The following NEBL variants were observed in gnomAD, a reference collection of about 807,000 sequenced individuals.
NEBL encodes the protein LIM and SH3 protein 2.
NEBL carries 122 observed loss-of-function variants against 140.2 expected under a neutral mutation model. That is an observed-to-expected ratio of 0.87 (90% CI 0.75 to 1.01). NEBL has a LOEUF of 1.01. Among genes scored for constraint, NEBL ranks in the 50% least tolerant of loss-of-function variants. NEBL has a pLI of 0.00. For missense variants in NEBL, 1,365 were observed against 1,231.3 expected (o/e 1.11, Z -1.62); for synonymous variants, 436 against 398.9 (o/e 1.09, Z -1.11).
At chr10:20,812,741 C>T in intron 24 of NEBL, 28 bp downstream of exon 24, 1 of 1,613,228 alleles carries the variant, frequency 6.2e-7, no homozygotes, top group Non-Finnish European at 8.5e-7. Context: ...CGACCACACA[C>T]ACCGGCCGAC....
rs968817703 is a variant in NEBL, at chr10:20,782,225, T to G, written c.*3522A>C. ...TGTGTAATAAAATATTACTATAGAATAGGCAGCAACTTGCTTGCTTGGTTT... is the reference window on the plus strand; with the variant it reads ...TGTGTAATAAAATATTACTATAGAAGAGGCAGCAACTTGCTTGCTTGGTTT... On this transcript the variant is annotated 3_prime_UTR_variant, in exon 28 of 28. Transcript: ENST00000377122. 2 of 152,512 alleles carry G rather than the reference T, an allele frequency of 1.3e-5. No individual in the cohort carries two copies. Among genetic ancestry groups the G allele is most frequent in the Non-Finnish European group, 2.9e-5 (2 of 68,010 alleles). 9.4% of individuals were successfully genotyped at this position (152,512 alleles called of 1,614,324 possible).
At chr10:20,923,100 G>A (rs536738587) in intron 4 of NEBL, among the ~76,000 whole-genome samples, 2 of 151,618 alleles carry the variant, frequency 1.3e-5, no homozygotes, top group African/African-American at 2.4e-5. Flanking sequence ...ACAGGGTCTC[G>A]CTCTGTCACC....
Position 20,988,600 on chromosome 10 carries a change from GTCTC to G in NEBL, c.250-26825_250-26822del, listed in dbSNP as rs5783759. On this transcript the variant is annotated intron_variant, in intron 3 of 6. Coordinates refer to the NEBL transcript ENST00000417816. Reference sequence around the variant, plus strand: ...CCTCTCTCTCCTCCATCATCAAATTGTCTCTCTCTATTGGGTCACTGCCATTAGC... The same window carrying G: ...CCTCTCTCTCCTCCATCATCAAATTGTCTCTATTGGGTCACTGCCATTAGC... Among the ~76,000 whole-genome samples, 360 of 152,132 alleles carry G rather than the reference GTCTC, an allele frequency of 2.4e-3. 3 individuals are homozygous for G. Among genetic ancestry groups the G allele is most frequent in the African/African-American group, 8.1e-3 (337 of 41,492 alleles).
chr10:21,164,754 A>G (rs1397494434), intron 2 of NEBL, among the ~76,000 whole-genome samples: 1 of 152,236 alleles, frequency 6.6e-6, no homozygotes, highest in African/African-American at 2.4e-5. Context: ...ACTGAGAACC[A>G]GATCATTTTG....
intron 5 of NEBL, among the ~76,000 whole-genome samples, chr10:20,871,853 G>C (rs1844971057): frequency 6.6e-6 from 1 of 152,072 alleles, no homozygotes; most frequent in Admixed American, 6.5e-5. Flanking sequence ...AATTCCATTG[G>C]CTTCAAAAAG....
At chr10:21,106,488 A>G (rs1201530093) in intron 2 of NEBL, among the ~76,000 whole-genome samples, 3 of 152,112 alleles carry the variant, frequency 2.0e-5, no homozygotes, top group Non-Finnish European at 4.4e-5. Context: ...CAAAGATCAG[A>G]TGGTTGTAGA....
At chr10:20,881,502 T>C (rs1264057662) in intron 4 of NEBL, among the ~76,000 whole-genome samples, 2 of 152,186 alleles carry the variant, frequency 1.3e-5, no homozygotes, top group Non-Finnish European at 2.9e-5. Flanking sequence ...ATGAGAAAGA[T>C]ATCTCAGAAG....
chr10:21,233,102 A>T lies in NEBL; in HGVS notation n.348+14819T>A, dbSNP rs140277679. 5.9e-3 allele frequency among the ~76,000 whole-genome samples: 903 copies of T among 152,280 alleles called. 8 individuals carry two copies. The highest frequency in any genetic ancestry group is 0.01 in the Non-Finnish European group (687 of 68,030). On this transcript the variant is annotated intron_variant and non_coding_transcript_variant, in intron 3 of 8. Coordinates refer to the NEBL transcript ENST00000675702. ...TATTGAGACAGAGTCTCACTCTGTT[A>T]CCAAGGCTGGAGTACAATGGCACAA...
intron 2 of NEBL, among the ~76,000 whole-genome samples, chr10:21,070,964 GCCAGGAGTTCAAAACCAGC>G (rs1170117785): frequency 6.6e-6 from 1 of 151,854 alleles, no homozygotes; most frequent in Non-Finnish European, 1.5e-5. Flanking sequence ...ATCTCTTGAG[GCCAGGAGTTCAAAACCAGC>G]CCAGGCAACA....
At chr10:21,267,020 A>G (rs1842804872) in intron 1 of NEBL, among the ~76,000 whole-genome samples, 1 of 150,746 alleles carries the variant, frequency 6.6e-6, no homozygotes, top group Non-Finnish European at 1.5e-5. Flanking sequence ...TGTCACTCAG[A>G]CTGGAGTGCA....
intron 26 of NEBL, among the ~76,000 whole-genome samples, chr10:20,789,254 A>G (rs75565603): frequency 0.05 from 7,649 of 152,248 alleles, 337 homozygotes; most frequent in East Asian, 0.13. Flanking sequence ...CTATTTGTAA[A>G]GTTTGAAAGA....
rs1842958417 is a variant in NEBL, at chr10:21,279,035, T to A, written n.182+13795A>T. On this transcript the variant is annotated intron_variant and non_coding_transcript_variant, in intron 1 of 8. Transcript: ENST00000675702. Reference sequence around the variant, plus strand: ...TCACAGCTACAACAAGCATGTCTTATGTGTGTACTGTGCCTTACAGAGGCG... The same window carrying A: ...TCACAGCTACAACAAGCATGTCTTAAGTGTGTACTGTGCCTTACAGAGGCG... Among the ~76,000 whole-genome samples, 3 of 152,310 alleles carry A rather than the reference T, an allele frequency of 2.0e-5. No homozygotes were observed. The South Asian group carries it at 6.2e-4, about 32-fold the overall frequency.
chr10:21,266,804 G>A (rs1459482151), intron 1 of NEBL, among the ~76,000 whole-genome samples: 3 of 152,140 alleles, frequency 2.0e-5, no homozygotes, highest in African/African-American at 4.8e-5. Context: ...TGGAGACAGA[G>A]TCTCACTGTG....
At chr10:20,954,271 C>A (rs1349240622) in intron 4 of NEBL, among the ~76,000 whole-genome samples, 1 of 152,068 alleles carries the variant, frequency 6.6e-6, no homozygotes, top group Non-Finnish European at 1.5e-5. Flanking sequence ...CACACAAGGC[C>A]AGGAGATTCA....
chr10:21,092,861 C>T (rs1836987036), intron 2 of NEBL, among the ~76,000 whole-genome samples: 1 of 152,018 alleles, frequency 6.6e-6, no homozygotes, highest in Non-Finnish European at 1.5e-5. Flanking sequence ...ATGTTATCAG[C>T]TTTCCCAGCC....
At chr10:21,201,022 A>G (rs1256634888) in intron 3 of NEBL, among the ~76,000 whole-genome samples, 9 of 149,922 alleles carry the variant, frequency 6.0e-5, no homozygotes, top group African/African-American at 2.3e-4. Context: ...TCGAGGCTGC[A>G]GTGACCTGTG....
At chr10:21,172,529 C>G (rs556636788) in intron 1 of NEBL, 2 of 1,385,986 alleles carry the variant, frequency 1.4e-6, no homozygotes, top group South Asian at 2.4e-5. Context: ...CAGTTCTCAC[C>G]AGGATGGGCA....
chr10:21,101,948 C>T (rs1268206451), intron 2 of NEBL, among the ~76,000 whole-genome samples: 4 of 152,334 alleles, frequency 2.6e-5, no homozygotes, highest in Non-Finnish European at 5.9e-5. Flanking sequence ...AAGCATTGTC[C>T]AAGACAGAGT....
At chr10:20,970,049 C>T (rs55814393) in intron 3 of NEBL, among the ~76,000 whole-genome samples, 10,845 of 152,098 alleles carry the variant, frequency 0.071, 478 homozygotes, top group African/African-American at 0.12. Context: ...ACAAAATATG[C>T]GTAATTTTAG....
Sources: gnomAD v4.1 joint callset for allele counts (sites outside exome capture counted in the v4.1 genomes callset) on GRCh38, gnomAD v4.1.1 for gene constraint, MANE v1.5 for transcripts, NCBI Gene and HGNC (gene_info 2026-07-23, HGNC 2026-07-21) for gene names.